The following KSR2 variants were observed in gnomAD, a reference collection of about 807,000 sequenced individuals.
The protein encoded by KSR2 is kinase suppressor of ras 2.
A neutral mutation model predicts 107.8 loss-of-function variants in KSR2; 25 were observed. The observed-to-expected ratio is 0.23, with a 90% CI of 0.17 to 0.32. KSR2 has a LOEUF of 0.32. Among genes scored for constraint, KSR2 ranks in the 10% least tolerant of loss-of-function variants. KSR2 has a pLI of 1.00. For missense variants in KSR2, 887 were observed against 1,268.9 expected (o/e 0.70, Z 4.57); for synonymous variants, 480 against 507.0 (o/e 0.95, Z 0.71).
At chr12:117,629,381 T>C (rs1882701521) in intron 5 of KSR2, among the ~76,000 whole-genome samples, 1 of 152,248 alleles carries the variant, frequency 6.6e-6, no homozygotes, top group Non-Finnish European at 1.5e-5. Context: ...TAAAACTGCT[T>C]ACATTCATAC....
At chr12:117,531,039 GA>G (rs748745836) in intron 11 of KSR2, 26 bp from the exon 12 acceptor site, 24 of 1,600,148 alleles carry the variant, frequency 1.5e-5, no homozygotes, top group African/African-American at 8.1e-5. Flanking sequence ...TGAACACTCA[GA>G]AAAAAAATGT....
rs79153448 is a variant in KSR2, at chr12:117,961,329, C to T, written c.180+6747G>A. Among the ~76,000 whole-genome samples, 474 of 152,244 alleles carry T rather than the reference C, an allele frequency of 3.1e-3. 17 individuals are homozygous for T. In the East Asian group the frequency reaches 0.057, roughly 18 times the overall value. On this transcript the variant is annotated intron_variant, in intron 1 of 19. Coordinates refer to ENST00000339824, the MANE Select transcript of KSR2 (RefSeq NM_173598.6). ...GAGAGAATGGCCCGCCACCTGCAAA[C>T]CAAGAACACCCTCCTTGGACTGTTT...
In KSR2 at chr12:117,458,190, A is replaced by G. The variant is rs1216931033; in HGVS notation, c.*9009T>C. 1 of 152,222 alleles carries G rather than the reference A, an allele frequency of 6.6e-6. No individual in the cohort carries two copies. Among genetic ancestry groups the G allele is most frequent in the African/African-American group, 2.4e-5 (1 of 41,454 alleles). 9.4% of individuals were successfully genotyped at this position (152,222 alleles called of 1,614,324 possible). A position where few individuals can be genotyped will look rare whatever the true frequency, so the allele number is the denominator to read the frequency against. On this transcript the variant is annotated 3_prime_UTR_variant, in exon 20 of 20. Transcript: ENST00000339824. ...GTCAGAGAGGACAGAGGTTCACTGA[A>G]TTCCAGACAAACCCAGAATGCCAGC... is the stretch of plus-strand genomic sequence containing the variant.
intron 4 of KSR2, among the ~76,000 whole-genome samples, chr12:117,757,502 G>A (rs1888838387): frequency 6.6e-6 from 1 of 152,198 alleles, no homozygotes; most frequent in African/African-American, 2.4e-5. Context: ...TTTGAAAGAA[G>A]TTCTACTAGG....
rs139154384 is a variant in KSR2, at chr12:117,903,444, G to C, written c.181-43013C>G. 6.3e-3 allele frequency among the ~76,000 whole-genome samples: 954 copies of C among 152,256 alleles called. 10 individuals are homozygous for C. Among genetic ancestry groups the C allele is most frequent in the African/African-American group, 0.021 (890 of 41,544 alleles). Reference sequence around the variant, plus strand: ...TAAACAAATACTTTTTTAGTGTAAAGTATATCCCAAATACTACATGGGATA... The same window carrying C: ...TAAACAAATACTTTTTTAGTGTAAACTATATCCCAAATACTACATGGGATA... On this transcript the variant is annotated intron_variant, in intron 1 of 19. Transcript: ENST00000339824.
At chr12:117,885,973 G>A (rs1894164676) in intron 1 of KSR2, among the ~76,000 whole-genome samples, 1 of 151,988 alleles carries the variant, frequency 6.6e-6, no homozygotes, top group Non-Finnish European at 1.5e-5. Context: ...GCGGACGCCT[G>A]TAGCCCCAGC....
chr12:117,566,656 T>C (rs1364319279), intron 7 of KSR2, among the ~76,000 whole-genome samples: 2 of 152,188 alleles, frequency 1.3e-5, no homozygotes, highest in African/African-American at 4.8e-5. Flanking sequence ...GTCATTCAGA[T>C]AGTGATGGGC....
intron 3 of KSR2, among the ~76,000 whole-genome samples, chr12:117,831,420 T>C (rs1434132538): frequency 6.6e-6 from 1 of 152,194 alleles, no homozygotes; most frequent in South Asian, 2.1e-4. Context: ...ACCACGTTGC[T>C]TGGCAGCTGC....
In KSR2 at chr12:117,935,513, A is replaced by T. The variant is rs1895811157; in HGVS notation, c.180+32563T>A. On this transcript the variant is annotated intron_variant, in intron 1 of 19. Coordinates refer to ENST00000339824, the MANE Select transcript of KSR2 (RefSeq NM_173598.6). ...GGTGGTTCATGCCTGTAATCCCAGCACTTTTGGGAGGCCGAGGTGGGTGGA... is the reference window on the plus strand; with the variant it reads ...GGTGGTTCATGCCTGTAATCCCAGCTCTTTTGGGAGGCCGAGGTGGGTGGA... Among the ~76,000 whole-genome samples, 3 of 152,126 alleles carry T rather than the reference A, an allele frequency of 2.0e-5. No individual in the cohort carries two copies. The South Asian group carries it at 6.2e-4, about 32-fold the overall frequency.
chr12:117,486,891 A>G (rs1104830), intron 14 of KSR2, among the ~76,000 whole-genome samples: 30,139 of 152,196 alleles, frequency 0.2, 3,143 homozygotes, highest in East Asian at 0.38. Context: ...AGGCCTTGGC[A>G]TCCAGTGGGA....
At chr12:117,903,856 G>A (rs539213526) in intron 1 of KSR2, among the ~76,000 whole-genome samples, 1 of 152,056 alleles carries the variant, frequency 6.6e-6, no homozygotes, top group Non-Finnish European at 1.5e-5. Context: ...AAAATTAGTT[G>A]GGCGTGATGG....
chr12:117,892,810 AAATC>A (rs1291199045), intron 1 of KSR2, among the ~76,000 whole-genome samples: 6 of 140,016 alleles, frequency 4.3e-5, no homozygotes, highest in African/African-American at 1.7e-4. Flanking sequence ...AAAAAAAAAA[AAATC>A]AATCTCATGA....
chr12:117,583,588 C>T (rs1243335744), intron 5 of KSR2, among the ~76,000 whole-genome samples: 1 of 152,164 alleles, frequency 6.6e-6, no homozygotes. Flanking sequence ...CTGGTCTCTT[C>T]TTTCATCCCT....
At chr12:117,903,220 T>C (rs916963232) in intron 1 of KSR2, among the ~76,000 whole-genome samples, 3 of 152,134 alleles carry the variant, frequency 2.0e-5, no homozygotes, top group Non-Finnish European at 2.9e-5. Context: ...CATGTGAAAA[T>C]AAGAGTTTCT....
intron 4 of KSR2, among the ~76,000 whole-genome samples, chr12:117,717,706 TGTGTGTGCATGCGCGCGC>T (rs1887047676): frequency 1.1e-5 from 1 of 89,888 alleles, no homozygotes; most frequent in Non-Finnish European, 2.5e-5. Flanking sequence ...TGTGTGTGTG[TGTGTGTGCATGCGCGCGC>T]GTGCATGCAC....
intron 5 of KSR2, among the ~76,000 whole-genome samples, chr12:117,591,480 G>A (rs918558328): frequency 2.0e-5 from 3 of 152,052 alleles, no homozygotes; most frequent in Admixed American, 6.5e-5. Context: ...TGGTGGTGAC[G>A]GATGAGATAG....
Position 117,462,009 on chromosome 12 carries a change from A to T in KSR2, c.*5190T>A, listed in dbSNP as rs1870919949. ...CGCTACAGACAAGCCACTTACACAC[A>T]GGCTGTTCCCATACAGCCACAGAAC... On this transcript the variant is annotated 3_prime_UTR_variant, in exon 20 of 20. Coordinates refer to ENST00000339824, the MANE Select transcript of KSR2 (RefSeq NM_173598.6). The T allele has an allele frequency of 6.6e-6, 1 of 152,198 alleles. No homozygotes were observed. 9.4% of individuals were successfully genotyped at this position (152,198 alleles called of 1,614,324 possible). A position where few individuals can be genotyped will look rare whatever the true frequency, so the allele number is the denominator to read the frequency against.
intron 5 of KSR2, among the ~76,000 whole-genome samples, chr12:117,594,571 C>T (rs573133165): frequency 6.6e-6 from 1 of 152,218 alleles, no homozygotes; most frequent in African/African-American, 2.4e-5. Flanking sequence ...TGATTGCATC[C>T]CTGAAAGTGA....
rs769244068 is a variant in KSR2 at position 117,612,751 on chromosome 12, T to G, written c.1172-30392A>C. Among the ~76,000 whole-genome samples, 109 of 152,268 alleles carry G rather than the reference T, an allele frequency of 7.2e-4. 3 individuals are homozygous for G. The highest frequency in any genetic ancestry group is 3.5e-4 in the Non-Finnish European group (24 of 68,010). On this transcript the variant is annotated intron_variant, in intron 5 of 19. Transcript: ENST00000339824. The stretch of plus-strand genomic sequence containing the variant: ...GTTTGGCTCTGTGTCCCCACCCAAA[T>G]CTCACCTCAAATTGTAATCCAGGTT...
Sources: allele counts gnomAD v4.1 joint callset (sites outside exome capture counted in the v4.1 genomes callset), GRCh38; gene constraint gnomAD v4.1.1; transcripts MANE v1.5; gene names NCBI Gene and HGNC (gene_info 2026-07-23, HGNC 2026-07-21).